Variants in ANO4 observed in about 807,000 individuals in gnomAD.
The protein encoded by ANO4 is anoctamin 4, also known as anoctamin-4.
Under a neutral mutation model 141.9 loss-of-function variants are expected in ANO4, and 69 were observed. That is an observed-to-expected ratio of 0.49 (90% CI 0.40 to 0.59). The LOEUF (loss-of-function observed/expected upper bound fraction) is 0.59, where lower values mean the gene tolerates loss of function less well. Ranked by LOEUF, ANO4 falls within the 20% of genes least tolerant of loss-of-function variation. The probability of loss-of-function intolerance (pLI) is 0.00; values close to 1 mark genes in which losing one functional copy is unlikely to be tolerated. For synonymous variants in ANO4, 350 were observed against 394.3 expected (o/e 0.89, Z 1.33); for missense variants, 894 against 1,162.2 (o/e 0.77, Z 3.36).
intron 17 of ANO4, among the ~76,000 whole-genome samples, chr12:101,092,417 A>AT (rs1294214149): frequency 1.3e-5 from 2 of 152,106 alleles, no homozygotes; most frequent in Non-Finnish European, 2.9e-5. Flanking sequence ...GGAAACTTAG[A>AT]TTTTCCACTG....
intron 1 of ANO4, among the ~76,000 whole-genome samples, chr12:100,846,686 A>T (rs1385550706): frequency 6.6e-6 from 1 of 152,096 alleles, no homozygotes; most frequent in African/African-American, 2.4e-5. Flanking sequence ...AATTCAGGGG[A>T]GTGTTCCAGA....
rs552560577 is a variant in ANO4 at position 100,990,437 on chromosome 12, T to A, written c.734+2767T>A. 2.0e-5 allele frequency among the ~76,000 whole-genome samples: 3 copies of A among 152,296 alleles called. 1 individual carries two copies. Among genetic ancestry groups the A allele is most frequent in the African/African-American group, 7.2e-5 (3 of 41,566 alleles). ...TGAGAATCATATTTTTGGAAGTATTTAAAAATATATAATAAATGAGGGATG... is the reference window on the plus strand; with the variant it reads ...TGAGAATCATATTTTTGGAAGTATTAAAAAATATATAATAAATGAGGGATG... On this transcript the variant is annotated intron_variant, in intron 8 of 27. Transcript: ENST00000392977.
chr12:100,729,834 A>T (rs1055658069), intron 1 of ANO4, among the ~76,000 whole-genome samples: 1 of 152,204 alleles, frequency 6.6e-6, no homozygotes, highest in African/African-American at 2.4e-5. Flanking sequence ...TTTTCAAAAT[A>T]CTGCCACCAA....
chr12:100,868,684 C>T (rs1429850953), intron 1 of ANO4, among the ~76,000 whole-genome samples: 1 of 152,120 alleles, frequency 6.6e-6, no homozygotes, highest in Non-Finnish European at 1.5e-5. Flanking sequence ...TCCAAGAATA[C>T]TCCTCCTCCC....
chr12:101,103,124 T>A (rs2050255375), intron 22 of ANO4, among the ~76,000 whole-genome samples: 1 of 147,858 alleles, frequency 6.8e-6, no homozygotes, highest in South Asian at 2.1e-4. Flanking sequence ...TTCTACCATA[T>A]ATACATAATT....
intron 3 of ANO4, among the ~76,000 whole-genome samples, chr12:100,936,868 G>A (rs1305072279): frequency 6.6e-6 from 1 of 152,162 alleles, no homozygotes; most frequent in Admixed American, 6.5e-5. Flanking sequence ...AGAGAAGTTT[G>A]CTATTCCTGT....
chr12:101,078,916 AT>A (rs1224994244), intron 14 of ANO4, among the ~76,000 whole-genome samples: 1 of 152,242 alleles, frequency 6.6e-6, no homozygotes, highest in Non-Finnish European at 1.5e-5. Flanking sequence ...GAATGTAAGA[AT>A]TTGTCATTCT....
chr12:100,963,760 A>G (rs2043528321), intron 5 of ANO4, among the ~76,000 whole-genome samples: 1 of 151,968 alleles, frequency 6.6e-6, no homozygotes, highest in African/African-American at 2.4e-5. Flanking sequence ...GAGCCCTTTA[A>G]CCCTCGAGGA....
intron 1 of ANO4, among the ~76,000 whole-genome samples, chr12:100,890,794 C>A (rs1198337251): frequency 6.6e-6 from 1 of 152,186 alleles, no homozygotes; most frequent in Non-Finnish European, 1.5e-5. Context: ...ATTGACACAT[C>A]ATCACCCAGA....
chr12:100,796,481 G>A (rs1037272694), intron 1 of ANO4, among the ~76,000 whole-genome samples: 1 of 151,996 alleles, frequency 6.6e-6, no homozygotes, highest in African/African-American at 2.4e-5. Context: ...AGATGCGTTT[G>A]TTGTTGTTCT....
In ANO4 at chr12:101,040,075, AG is replaced by A. The variant is rs1213182559; in HGVS notation, c.1019+1del. ...TAAATACCAACCTTTGGATCTTGTA[AG>A]GTGAGTTTTTAATCAGCTGCAAATA... ...WYKYQPLDLVRRYFGEKIGLY... is the reference protein window; with the variant it reads ...WYKYQPLDLVXRYFGEKIGLY... On this transcript the variant is annotated frameshift_variant and splice_region_variant, in exon 11 of 28. Transcript: ENST00000392977. LOFTEE classifies it high-confidence loss of function. 6.2e-7 allele frequency: 1 copy of A among 1,603,552 alleles called. No individual in the cohort carries two copies. The highest frequency in any genetic ancestry group is 1.3e-5 in the African/African-American group (1 of 74,800).
At chr12:100,962,400 A>ATGACC (rs559728762) in intron 5 of ANO4, among the ~76,000 whole-genome samples, 76 of 152,324 alleles carry the variant, frequency 5.0e-4, no homozygotes, top group African/African-American at 1.8e-3. Flanking sequence ...TAGCTGGAAT[A>ATGACC]TGACCTGCAT....
rs796758540 is a variant in ANO4 at position 101,104,621 on chromosome 12, ATGTGTG to A, written c.2149+4903_2149+4908del. On this transcript the variant is annotated intron_variant, in intron 22 of 27. Coordinates refer to ENST00000392977, the MANE Select transcript of ANO4 (RefSeq NM_001286615.2). ...TGTGTGTGTGTGTGTGTGTGTATGT[ATGTGTG>A]TATATATATATATATATATATATAT... Among the ~76,000 whole-genome samples, 239 of 48,930 alleles carry A rather than the reference ATGTGTG, an allele frequency of 4.9e-3. 2 individuals carry two copies. Among genetic ancestry groups the A allele is most frequent in the African/African-American group, 0.011 (112 of 10,346 alleles). 32.1% of individuals were successfully genotyped at this position (48,930 alleles called of 152,430 possible).
chr12:101,125,544 C>G (rs1021417739), intron 26 of ANO4, among the ~76,000 whole-genome samples: 1 of 152,036 alleles, frequency 6.6e-6, no homozygotes, highest in Non-Finnish European at 1.5e-5. Flanking sequence ...TTGTCTTGTG[C>G]CGGTTTTTAA....
intron 1 of ANO4, among the ~76,000 whole-genome samples, chr12:100,878,019 A>G (rs773105951): frequency 3.3e-5 from 5 of 152,292 alleles, no homozygotes; most frequent in Middle Eastern, 3.4e-3. Flanking sequence ...TGTAATTTGT[A>G]TCTCAACTTT....
At chr12:100,808,450 C>T (rs916204760) in intron 1 of ANO4, among the ~76,000 whole-genome samples, 19 of 151,980 alleles carry the variant, frequency 1.3e-4, no homozygotes, top group Admixed American at 1.2e-3. Context: ...AGATATAGAC[C>T]CTTGCCAGAT....
intron 14 of ANO4, among the ~76,000 whole-genome samples, chr12:101,056,485 CT>C (rs1008098478): frequency 1.3e-5 from 2 of 151,970 alleles, no homozygotes; most frequent in African/African-American, 4.8e-5. Context: ...GTGCTTCTAG[CT>C]TTTTTATAGA....
intron 3 of ANO4, among the ~76,000 whole-genome samples, chr12:100,777,269 C>CTTTTTTT (rs71091463): frequency 4.0e-5 from 2 of 50,618 alleles, no homozygotes; most frequent in Non-Finnish European, 7.0e-5. Flanking sequence ...ATTTTTGTAT[C>CTTTTTTT]TTTTTTTTTT....
chr12:100,828,015 T>C (rs1233252379), intron 1 of ANO4, among the ~76,000 whole-genome samples: 1 of 151,992 alleles, frequency 6.6e-6, no homozygotes, highest in Non-Finnish European at 1.5e-5. Flanking sequence ...AGAGTCTTAG[T>C]TCCAGAAACA....
Sources: allele counts gnomAD v4.1 joint callset (sites outside exome capture counted in the v4.1 genomes callset), GRCh38; gene constraint gnomAD v4.1.1; transcripts MANE v1.5; gene names NCBI Gene and HGNC (gene_info 2026-07-23, HGNC 2026-07-21).